The following MDN1 variants were observed in gnomAD, a reference collection of about 807,000 sequenced individuals.
MDN1 encodes the protein midasin AAA ATPase 1, also known as midasin.
Under a neutral mutation model 669.2 loss-of-function variants are expected in MDN1, and 266 were observed. The ratio of observed to expected loss-of-function variants is 0.40; its 90% CI spans 0.36 to 0.44. The LOEUF (loss-of-function observed/expected upper bound fraction) is 0.44, where lower values mean the gene tolerates loss of function less well. Among genes scored for constraint, MDN1 ranks in the 20% least tolerant of loss-of-function variants. The pLI, the probability that MDN1 is intolerant of heterozygous loss-of-function variation, is 1.00. For missense variants in MDN1, 5,940 were observed against 6,754.0 expected (o/e 0.88, Z 4.22); for synonymous variants, 2,385 against 2,457.1 (o/e 0.97, Z 0.87).
At chr6:89,819,185 C>A (rs540473329) in intron 1 of MDN1, among the ~76,000 whole-genome samples, 17 of 152,308 alleles carry the variant, frequency 1.1e-4, no homozygotes, top group African/African-American at 3.8e-4. Context: ...AGAAACGCAA[C>A]CTCAATTTCA....
At chr6:89,746,767 C>A (rs1816659323) in intron 27 of MDN1, among the ~76,000 whole-genome samples, 1 of 152,156 alleles carries the variant, frequency 6.6e-6, no homozygotes, top group South Asian at 2.1e-4. Context: ...AATCAATCAT[C>A]AGCACTTTTC....
intron 1 of MDN1, chr6:89,814,818 G>T: frequency 2.1e-6 from 1 of 473,750 alleles, no homozygotes; most frequent in Non-Finnish European, 4.3e-6. Context: ...TCTCTGTGCA[G>T]ACAGTTCCAA....
intron 11 of MDN1, among the ~76,000 whole-genome samples, chr6:89,778,611 G>A (rs145931211): frequency 0.017 from 2,525 of 152,034 alleles, 68 homozygotes; most frequent in African/African-American, 0.057. Flanking sequence ...GTGACTGGGC[G>A]CAGTGGCTCA....
intron 33 of MDN1, 69 bp from the exon 34 acceptor site, chr6:89,732,844 G>A (rs1005204586): frequency 1.4e-6 from 2 of 1,453,822 alleles, no homozygotes; most frequent in Non-Finnish European, 1.9e-6. Context: ...TCATAACCAG[G>A]GGCACACAAA....
At chr6:89,805,575 G>A (rs1767961703) in intron 1 of MDN1, among the ~76,000 whole-genome samples, 1 of 152,068 alleles carries the variant, frequency 6.6e-6, no homozygotes, top group Non-Finnish European at 1.5e-5. Flanking sequence ...TGAGGAGGAG[G>A]CTCACCCTAG....
Position 89,774,641 on chromosome 6 carries a change from A to C in MDN1, c.1914T>G (p.Ser638Arg). 6.2e-7 allele frequency: 1 copy of C among 1,613,404 alleles called. No individual in the cohort carries two copies. Residue 638 changes from serine to arginine, a missense_variant, in exon 13 of 102, where the codon AGT becomes AGG. This residue lies in a region of MDN1 where 1,203 missense variants were observed against 1,268.9 expected (regional missense o/e 0.95). Coordinates refer to ENST00000369393, the MANE Select transcript of MDN1 (RefSeq NM_014611.3). ...CTTACCTCTGTAGGTGAACAGCCTC[A>C]CTTTGTTTCCGTAGAAGCCGCACTC... ...VGRVRLLRKQ[S>R]EAVHLQREKF...
Position 89,732,777 on chromosome 6 carries a change from TAAACACAAG to T in MDN1, c.4724-11_4724-3del. On this transcript the variant is annotated splice_region_variant and splice_polypyrimidine_tract_variant and intron_variant, in intron 33 of 101. Transcript: ENST00000369393. ...GCATCACTTCAGGTATGTCAGACCC[TAAACACAAG>T]AAACAAAAAAAGCATTTGCTGTTAA... is the stretch of plus-strand genomic sequence containing the variant. 1.9e-6 allele frequency: 3 copies of T among 1,612,616 alleles called. No individual in the cohort carries two copies. The South Asian group carries it at 3.3e-5, about 18-fold the overall frequency.
At chr6:89,781,360 AAAG>A in intron 10 of MDN1, 36 bp downstream of exon 10, 4 of 1,588,988 alleles carry the variant, frequency 2.5e-6, no homozygotes, top group Non-Finnish European at 3.5e-6. Context: ...CACAAAAAAA[AAAG>A]AAAGAAAGAA....
chr6:89,788,043 A>T, intron 7 of MDN1, 86 bp from the exon 8 acceptor site: 1 of 1,157,550 alleles, frequency 8.6e-7, no homozygotes, highest in Non-Finnish European at 1.2e-6. Flanking sequence ...TCTCAAAATG[A>T]CAGACACACC....
At chr6:89,763,209 T>C (rs1240481556) in intron 15 of MDN1, among the ~76,000 whole-genome samples, 1 of 151,836 alleles carries the variant, frequency 6.6e-6, no homozygotes, top group Non-Finnish European at 1.5e-5. Flanking sequence ...AAAATAAATA[T>C]CTGAAATTGA....
chr6:89,664,702 C>G, intron 84 of MDN1, 74 bp from the exon 85 acceptor site: 2 of 1,215,890 alleles, frequency 1.6e-6, no homozygotes, highest in East Asian at 2.4e-5. Flanking sequence ...ATATAAATGC[C>G]AAGGTTAATG....
rs767459698 is a variant in MDN1 at position 89,758,800 on chromosome 6, G to C, written c.2605+16C>G. On this transcript the variant is annotated intron_variant, in intron 18 of 101. Transcript: ENST00000369393. ...GGCTTGACACCAAGTCAAATCCCAA[G>C]GGATTCAAGTGCTACCTGTGTCTCC... 1.2e-6 allele frequency: 2 copies of C among 1,613,662 alleles called. No individual in the cohort carries two copies. Among genetic ancestry groups the C allele is most frequent in the Admixed American group, 3.3e-5 (2 of 59,948 alleles).
chr6:89,695,070 TA>T lies in MDN1; in HGVS notation c.9771+534del, dbSNP rs35900436. Among the ~76,000 whole-genome samples, 3 of 152,016 alleles carry T rather than the reference TA, an allele frequency of 2.0e-5. No individual in the cohort carries two copies. In the South Asian group the frequency reaches 6.2e-4, roughly 31 times the overall value. On this transcript the variant is annotated intron_variant, in intron 61 of 101. Transcript: ENST00000369393. The surrounding 1 kb of genome is among the most constrained non-coding windows in gnomAD (Gnocchi z 4.1). ...CAAGATGGTGAAACCCTGTCTCTAC[TA>T]AAAATACAAAAATTAGCCAGGCGTG...
At chr6:89,758,214 C>T in intron 19 of MDN1, 41 bp downstream of exon 19, 4 of 1,500,448 alleles carry the variant, frequency 2.7e-6, no homozygotes, top group Non-Finnish European at 2.8e-6. Flanking sequence ...GAGCAAGAAC[C>T]TGTTGCAAAA....
rs894526316 is a variant in MDN1, at chr6:89,650,135, T to C, written c.16095A>G (p.Gln5365=). 5 of 1,614,164 alleles carry C rather than the reference T, an allele frequency of 3.1e-6. No individual in the cohort carries two copies. Among genetic ancestry groups the C allele is most frequent in the Non-Finnish European group, 4.2e-6 (5 of 1,180,016 alleles). ...GAAGCCAAATCTTGTCTTTCCGAAA[T>C]TGACTAGCAATGTATGGAATGACTT... The part of the protein sequence containing the change: ...IRKVIPYIAS[Q]FRKDKIWLRR... Residue 5365 remains glutamine, a synonymous_variant, in exon 97 of 102, where the codon CAA becomes CAG. Coordinates refer to ENST00000369393, the MANE Select transcript of MDN1 (RefSeq NM_014611.3).
rs755003580 is a variant in MDN1, at chr6:89,674,217, G to A, written c.13134C>T (p.His4378=). The change falls in exon 79 of 102, where the codon CAC becomes CAT. Residue 4378 remains histidine (H), a synonymous_variant. Transcript: ENST00000369393. ...ATCTCGTAGTTGACTGTTGCCAAAG[G>A]TGATCCTGTTTCCGCATCCGGCAAC... The part of the protein sequence containing the change: ...PSGCRMRKQD[H]LWQQSTTRLT... The A allele has an allele frequency of 1.2e-6, 2 of 1,614,096 alleles. No individual in the cohort carries two copies. The highest frequency in any genetic ancestry group is 1.7e-6 in the Non-Finnish European group (2 of 1,180,048).
chr6:89,693,695 G>A (rs777535663), intron 62 of MDN1, among the ~76,000 whole-genome samples: 17 of 151,938 alleles, frequency 1.1e-4, no homozygotes, highest in Non-Finnish European at 2.1e-4. Flanking sequence ...GAAAAAAAAC[G>A]AACCCCAAAT....
At chr6:89,804,961 C>T (rs948880418) in intron 1 of MDN1, among the ~76,000 whole-genome samples, 33 of 136,248 alleles carry the variant, frequency 2.4e-4, no homozygotes, top group African/African-American at 7.2e-4. Flanking sequence ...GTGTGAACCC[C>T]GGGAGGCGGA....
chr6:89,729,553 C>T (rs56352205), intron 35 of MDN1, among the ~76,000 whole-genome samples: 15,074 of 152,222 alleles, frequency 0.099, 965 homozygotes, highest in South Asian at 0.16. Context: ...ATGTTTTTGG[C>T]CACCAAAACA....
Sources: gnomAD v4.1 joint callset for allele counts (sites outside exome capture counted in the v4.1 genomes callset) on GRCh38, gnomAD v4.1.1 for gene constraint, gnomAD v4.1.1 regional missense constraint, Gnocchi (gnomAD v3.1) non-coding constraint, MANE v1.5 for transcripts, NCBI Gene and HGNC (gene_info 2026-07-23, HGNC 2026-07-21) for gene names.